The following PRR16 variants were observed in gnomAD, a reference collection of about 807,000 sequenced individuals.
The protein encoded by PRR16 is proline rich 16, also known as protein Largen.
PRR16 carries 6 observed loss-of-function variants against 18.2 expected under a neutral mutation model. The ratio of observed to expected loss-of-function variants is 0.33; its 90% CI spans 0.18 to 0.65. PRR16 has a LOEUF of 0.65. Among genes scored for constraint, PRR16 ranks in the 30% least tolerant of loss-of-function variants. The probability of loss-of-function intolerance (pLI) is 0.74; values close to 1 mark genes in which losing one functional copy is unlikely to be tolerated. For synonymous variants in PRR16, 151 were observed against 147.8 expected (o/e 1.02, Z -0.16); for missense variants, 412 against 376.6 (o/e 1.09, Z -0.78).
chr5:120,608,332 A>G (rs990072865), intron 1 of PRR16, among the ~76,000 whole-genome samples: 1 of 152,132 alleles, frequency 6.6e-6, no homozygotes, highest in Admixed American at 6.6e-5. Context: ...GATTTATTAG[A>G]CTAGGTCCCT....
the PRR16 span, among the ~76,000 whole-genome samples, chr5:120,728,446 T>A: frequency 6.6e-6 from 1 of 152,194 alleles, no homozygotes; most frequent in East Asian, 1.9e-4. Flanking sequence ...TATTAAATTT[T>A]GATGACATAA....
chr5:120,687,893 T>A (rs1440745708), downstream of PRR16, among the ~76,000 whole-genome samples: 1 of 152,244 alleles, frequency 6.6e-6, no homozygotes, highest in Non-Finnish European at 1.5e-5. Context: ...CCAATTTTAT[T>A]AATTTCAACT....
chr5:120,775,053 CACTT>C, the PRR16 span, among the ~76,000 whole-genome samples: 1 of 152,180 alleles, frequency 6.6e-6, no homozygotes, highest in African/African-American at 2.4e-5. Context: ...AAAGGCATGA[CACTT>C]ACTAAAATAA....
At chr5:120,644,579 T>G (rs1755530218) in intron 1 of PRR16, among the ~76,000 whole-genome samples, 1 of 152,128 alleles carries the variant, frequency 6.6e-6, no homozygotes, top group Non-Finnish European at 1.5e-5. Context: ...AACAGAAAAC[T>G]GAATCACATT....
At chr5:120,699,815 A>AGC in the PRR16 span, among the ~76,000 whole-genome samples, 1 of 152,194 alleles carries the variant, frequency 6.6e-6, no homozygotes, top group African/African-American at 2.4e-5. Context: ...GTTTTGTAGA[A>AGC]GGTGCTGGGG....
chr5:120,593,317 A>T (rs1157958030), intron 1 of PRR16, among the ~76,000 whole-genome samples: 1 of 152,068 alleles, frequency 6.6e-6, no homozygotes, highest in Non-Finnish European at 1.5e-5. Context: ...GGCAAAGGGA[A>T]CGTTACCGCT....
At chr5:120,622,151 T>C (rs1286205388) in intron 1 of PRR16, among the ~76,000 whole-genome samples, 1 of 152,148 alleles carries the variant, frequency 6.6e-6, no homozygotes, top group Non-Finnish European at 1.5e-5. Context: ...GTTTCTTTTC[T>C]TCTTTGCTGA....
chr5:120,746,662 T>A, the PRR16 span, among the ~76,000 whole-genome samples: 1 of 152,274 alleles, frequency 6.6e-6, no homozygotes, highest in Admixed American at 6.5e-5. Flanking sequence ...CTCCAGAAAT[T>A]TGTTTTCAAT....
intron 1 of PRR16, among the ~76,000 whole-genome samples, chr5:120,648,527 A>G (rs922164040): frequency 6.6e-6 from 1 of 152,144 alleles, no homozygotes; most frequent in Non-Finnish European, 1.5e-5. Context: ...GTTTGGAGTA[A>G]CATTATTTTT....
At chr5:120,538,971 A>T in intron 1 of PRR16, among the ~76,000 whole-genome samples, 1 of 152,116 alleles carries the variant, frequency 6.6e-6, no homozygotes, top group Non-Finnish European at 1.5e-5. Context: ...CAGAGAAGGA[A>T]AATTGGTTTG....
chr5:120,592,332 C>A (rs1187968010), intron 1 of PRR16, among the ~76,000 whole-genome samples: 4 of 152,100 alleles, frequency 2.6e-5, no homozygotes, highest in Admixed American at 2.6e-4. Context: ...GTCGTAGGAG[C>A]TGTATACTGC....
At chr5:120,761,289 T>G in the PRR16 span, among the ~76,000 whole-genome samples, 2 of 152,072 alleles carry the variant, frequency 1.3e-5, no homozygotes, top group Non-Finnish European at 2.9e-5. Flanking sequence ...TGGCCTGAAC[T>G]TTGCTGATTA....
intron 1 of PRR16, among the ~76,000 whole-genome samples, chr5:120,614,977 A>G (rs1030499146): frequency 3.9e-5 from 6 of 152,138 alleles, no homozygotes; most frequent in East Asian, 1.9e-4. Context: ...TTCTTCATTC[A>G]AGTGCTCTGA....
intron 1 of PRR16, among the ~76,000 whole-genome samples, chr5:120,567,719 G>A (rs1042908288): frequency 9.2e-5 from 14 of 152,104 alleles, no homozygotes; most frequent in African/African-American, 2.2e-4. Flanking sequence ...GCTACCATGC[G>A]AAGATGTGCT....
At chr5:120,691,664 T>A (rs1757210803), downstream of PRR16, among the ~76,000 whole-genome samples, 1 of 152,114 alleles carries the variant, frequency 6.6e-6, no homozygotes, top group Admixed American at 6.6e-5. Context: ...TGCTTACAAC[T>A]CTCTCTAATA....
intron 1 of PRR16, among the ~76,000 whole-genome samples, chr5:120,527,744 A>C (rs1002110815): frequency 6.6e-6 from 1 of 152,196 alleles, no homozygotes; most frequent in African/African-American, 2.4e-5. Context: ...GACAGGGTTG[A>C]CAAATGCCTT....
At chr5:120,731,692 A>G in the PRR16 span, among the ~76,000 whole-genome samples, 5 of 152,316 alleles carry the variant, frequency 3.3e-5, no homozygotes. Context: ...ACATTAAAAT[A>G]TAATTGCATA....
intron 1 of PRR16, among the ~76,000 whole-genome samples, chr5:120,640,199 G>A (rs1372925603): frequency 6.6e-6 from 1 of 152,008 alleles, no homozygotes; most frequent in Non-Finnish European, 1.5e-5. Context: ...TGGGTACTAT[G>A]TTCAATACCC....
At position 120,571,169 on chromosome 5, in the gene PRR16, A is replaced by G. The variant is rs538042678; in HGVS notation, c.159+106524A>G. ...TCCTGTAAAAACTTATAAAACTAAT[A>G]CACAAACAGAGCATACAGTTTGATA... On this transcript the variant is annotated intron_variant, in intron 1 of 1. Coordinates refer to ENST00000407149, the MANE Select transcript of PRR16 (RefSeq NM_001300783.2). Among the ~76,000 whole-genome samples the G allele has an allele frequency of 9.8e-5, 15 of 152,322 alleles. No homozygotes were observed. In the East Asian group the frequency reaches 2.9e-3, roughly 29 times the overall value.
Sources: allele counts gnomAD v4.1 joint callset (sites outside exome capture counted in the v4.1 genomes callset), GRCh38; gene constraint gnomAD v4.1.1; transcripts MANE v1.5; gene names NCBI Gene and HGNC (gene_info 2026-07-23, HGNC 2026-07-21).